UTP20: variants seen among roughly 807,000 people sequenced by gnomAD.
The protein encoded by UTP20 is small subunit processome component 20 homolog.
UTP20 carries 164 observed loss-of-function variants against 329.5 expected under a neutral mutation model. The ratio of observed to expected loss-of-function variants is 0.50; its 90% CI spans 0.44 to 0.57. The LOEUF (loss-of-function observed/expected upper bound fraction) is 0.57. Ranked by LOEUF, UTP20 falls within the 20% of genes least tolerant of loss-of-function variation. The pLI is 0.00. For synonymous variants in UTP20, 1,151 were observed against 1,159.3 expected (o/e 0.99, Z 0.14); for missense variants, 3,055 against 3,284.2 (o/e 0.93, Z 1.71).
At chr12:101,354,348 C>G (rs945276400) in intron 40 of UTP20, among the ~76,000 whole-genome samples, 7 of 151,410 alleles carry the variant, frequency 4.6e-5, no homozygotes, top group African/African-American at 1.7e-4. Context: ...TGTTTTATGG[C>G]TAAGTTTTAC....
Position 101,365,485 on chromosome 12 carries a change from A to G in UTP20, c.5985A>G (p.Lys1995=), listed in dbSNP as rs553544174. 6.2e-7 allele frequency: 1 copy of G among 1,607,550 alleles called. No homozygotes were observed. Among genetic ancestry groups the G allele is most frequent in the African/African-American group, 1.3e-5 (1 of 74,686 alleles). ...TCTTACAAAATACCACGAGTTTGAAACTGGCCCGGAAAGTTCATGAAACTT... is the reference window on the plus strand; with the variant it reads ...TCTTACAAAATACCACGAGTTTGAAGCTGGCCCGGAAAGTTCATGAAACTT... ...KEILQNTTSL[K]LARKVHETLR... The change falls in exon 46 of 62, where the codon AAA becomes AAG. Residue 1995 remains lysine, a synonymous_variant. Coordinates refer to ENST00000261637, the MANE Select transcript of UTP20 (RefSeq NM_014503.3).
At chr12:101,378,763 T>G (rs1220846798) in intron 56 of UTP20, among the ~76,000 whole-genome samples, 1 of 152,038 alleles carries the variant, frequency 6.6e-6, no homozygotes, top group Non-Finnish European at 1.5e-5. Flanking sequence ...TAATGTCACC[T>G]TATCTCCCTT....
chr12:101,290,677 G>A, intron 7 of UTP20, 56 bp from the exon 8 acceptor site: 2 of 1,529,542 alleles, frequency 1.3e-6, no homozygotes, highest in South Asian at 1.3e-5. Context: ...GACTCCCAGA[G>A]CAATACTTGA....
At chr12:101,288,905 G>A in intron 5 of UTP20, 55 bp from the exon 6 acceptor site, 24 of 1,452,372 alleles carry the variant, frequency 1.7e-5, no homozygotes, top group Non-Finnish European at 2.1e-5. Flanking sequence ...CATGTAGTAT[G>A]TATTTATTAC....
intron 54 of UTP20, among the ~76,000 whole-genome samples, chr12:101,374,510 G>A (rs1333240028): frequency 6.6e-6 from 1 of 152,052 alleles, no homozygotes; most frequent in Non-Finnish European, 1.5e-5. Flanking sequence ...CCCACTTAAT[G>A]TGGGGTGGGC....
chr12:101,380,450 G>T (rs1182943275), intron 57 of UTP20, among the ~76,000 whole-genome samples: 3 of 152,120 alleles, frequency 2.0e-5, no homozygotes, highest in Non-Finnish European at 4.4e-5. Flanking sequence ...TGGTTTCCTA[G>T]GTCCTAGCAC....
chr12:101,320,273 A>G (rs11110749), intron 23 of UTP20, among the ~76,000 whole-genome samples: 1 of 152,158 alleles, frequency 6.6e-6, no homozygotes, highest in African/African-American at 2.4e-5. Context: ...CGGCCTCACC[A>G]GGCTGCACAC....
chr12:101,292,176 A>C, intron 10 of UTP20, 72 bp downstream of exon 10: 1 of 1,503,364 alleles, frequency 6.7e-7, no homozygotes, highest in Non-Finnish European at 8.9e-7. Context: ...TCTGAGGAAT[A>C]CAAGTGAAGT....
intron 60 of UTP20, among the ~76,000 whole-genome samples, chr12:101,384,386 C>G (rs556818291): frequency 1.3e-5 from 2 of 152,152 alleles, no homozygotes; most frequent in African/African-American, 2.4e-5. Context: ...ACAAAAGATA[C>G]AAAAATTAGC....
chr12:101,305,893 T>C (rs756729799), intron 15 of UTP20, 22 bp from the exon 16 acceptor site: 1 of 1,579,424 alleles, frequency 6.3e-7, no homozygotes, highest in Non-Finnish European at 8.6e-7. Context: ...ACAGTTTGGG[T>C]CTAATGAACA....
rs745494318 is a variant in UTP20, at chr12:101,333,417, T to G, written c.3534T>G (p.Ala1178=). ...AGTTTAGAACAGAAGAAATTGATGCTGTGTTTCATGGTGCAGTTTGGCCCC... is the reference window on the plus strand; with the variant it reads ...AGTTTAGAACAGAAGAAATTGATGCGGTGTTTCATGGTGCAGTTTGGCCCC... ...SYQFRTEEID[A]VFHGAVWPQI... The change falls in exon 28 of 62, where the codon GCT becomes GCG. Residue 1178 remains alanine (A), a synonymous_variant. Coordinates refer to ENST00000261637, the MANE Select transcript of UTP20 (RefSeq NM_014503.3). 1.2e-6 allele frequency: 2 copies of G among 1,613,968 alleles called. No individual in the cohort carries two copies. Among genetic ancestry groups the G allele is most frequent in the African/African-American group, 2.7e-5 (2 of 74,944 alleles).
chr12:101,317,732 G>T (rs971666573), intron 22 of UTP20, 69 bp downstream of exon 22: 1 of 1,441,748 alleles, frequency 6.9e-7, no homozygotes, highest in Admixed American at 2.6e-5. Context: ...GTCTCTTACG[G>T]CTTTATACAA....
At chr12:101,290,032 C>T in intron 6 of UTP20, 105 bp from the exon 7 acceptor site, 1 of 886,226 alleles carries the variant, frequency 1.1e-6, no homozygotes, top group Non-Finnish European at 1.6e-6. Flanking sequence ...CAATTTTTTC[C>T]TAAGTATATT....
At chr12:101,283,610 C>T (rs753059734) in intron 2 of UTP20, among the ~76,000 whole-genome samples, 3 of 152,148 alleles carry the variant, frequency 2.0e-5, no homozygotes, top group East Asian at 3.9e-4. Flanking sequence ...GCTAGAAATG[C>T]GTTCTGCATT....
At chr12:101,319,754 G>A (rs918576111) in intron 23 of UTP20, 119 bp downstream of exon 23, 5 of 737,264 alleles carry the variant, frequency 6.8e-6, no homozygotes, top group Non-Finnish European at 1.0e-5. Context: ...TACATTTTAA[G>A]TATTAAAGCC....
At position 101,333,363 on chromosome 12, in the gene UTP20, T is replaced by G. The variant is rs1868823486; in HGVS notation, c.3480T>G (p.Thr1160=). The G allele has an allele frequency of 6.2e-7, 1 of 1,614,018 alleles. No individual in the cohort carries two copies. Among genetic ancestry groups the G allele is most frequent in the Admixed American group, 1.7e-5 (1 of 60,008 alleles). Residue 1160 remains threonine (T), a synonymous_variant, in exon 28 of 62, where the codon ACT becomes ACG. Coordinates refer to ENST00000261637, the MANE Select transcript of UTP20 (RefSeq NM_014503.3). ...GACGTCTTGGAATCAAAATGGTAAC[T>G]GATATCTTTTTGGACTGGGAATCAT... ...NLRRLGIKMV[T]DIFLDWESYQ...
chr12:101,321,522 G>A lies in UTP20; in HGVS notation c.2934G>A (p.Leu978=). Residue 978 remains leucine, a synonymous_variant, in exon 25 of 62, where the codon TTG becomes TTA. Coordinates refer to ENST00000261637, the MANE Select transcript of UTP20 (RefSeq NM_014503.3). Reference sequence around the variant, plus strand: ...TTTAAAGGGAAAACTTACAAAGGTTGCTTGAAGACAGAAGCTTTAAGGAAG... The same window carrying A: ...TTTAAAGGGAAAACTTACAAAGGTTACTTGAAGACAGAAGCTTTAAGGAAG... ...VLPYRENLQR[L]LEDRSFKEEI... 1 of 1,613,210 alleles carries A rather than the reference G, an allele frequency of 6.2e-7. No homozygotes were observed. Among genetic ancestry groups the A allele is most frequent in the Admixed American group, 1.7e-5 (1 of 60,008 alleles).
intron 12 of UTP20, among the ~76,000 whole-genome samples, chr12:101,298,907 A>G (rs1872443420): frequency 1.4e-5 from 2 of 143,926 alleles, no homozygotes; most frequent in Admixed American, 7.0e-5. Flanking sequence ...CTACCTGACC[A>G]TTTTTTGGTG....
intron 21 of UTP20, among the ~76,000 whole-genome samples, chr12:101,317,190 A>T (rs1872997772): frequency 6.6e-6 from 1 of 152,218 alleles, no homozygotes; most frequent in South Asian, 2.1e-4. Context: ...GGTTCCAGAG[A>T]CAGGGAGGCT....
Sources: allele counts gnomAD v4.1 joint callset (sites outside exome capture counted in the v4.1 genomes callset), GRCh38; gene constraint gnomAD v4.1.1; transcripts MANE v1.5; gene names NCBI Gene and HGNC (gene_info 2026-07-23, HGNC 2026-07-21).